KHDRBS2: variants seen among roughly 807,000 people sequenced by gnomAD.
KHDRBS2 encodes KH domain-containing, RNA-binding, signal transduction-associated protein 2.
KHDRBS2 carries 26 observed loss-of-function variants against 44.3 expected under a neutral mutation model. The ratio of observed to expected loss-of-function variants is 0.59; its 90% CI spans 0.43 to 0.81. The LOEUF is 0.81. KHDRBS2 is among the 40% of genes least tolerant of loss of function. The pLI is 0.00. For missense variants in KHDRBS2, 476 were observed against 433.1 expected (o/e 1.10, Z -0.88); for synonymous variants, 194 against 151.1 (o/e 1.28, Z -2.08).
At chr6:61,620,109 T>C in the KHDRBS2 span, among the ~76,000 whole-genome samples, 1 of 152,148 alleles carries the variant, frequency 6.6e-6, no homozygotes, top group Non-Finnish European at 1.5e-5. Context: ...GTGTAGTTTT[T>C]ATTTGCCTAA....
intron 6 of KHDRBS2, among the ~76,000 whole-genome samples, chr6:61,829,553 T>TAA (rs796667949): frequency 6.8e-6 from 1 of 147,752 alleles, no homozygotes; most frequent in Non-Finnish European, 1.5e-5. Context: ...GCTTAGATGG[T>TAA]AAAAAAAAAA....
intron 1 of KHDRBS2, among the ~76,000 whole-genome samples, chr6:62,278,912 G>A (rs1277418022): frequency 6.6e-6 from 1 of 151,870 alleles, no homozygotes; most frequent in East Asian, 1.9e-4. Flanking sequence ...GGTTAACACG[G>A]TGAAACCCCG....
intron 7 of KHDRBS2, among the ~76,000 whole-genome samples, chr6:61,722,009 A>G (rs1206826138): frequency 6.6e-6 from 1 of 150,892 alleles, no homozygotes; most frequent in Non-Finnish European, 1.5e-5. Context: ...ATTTTGTCAA[A>G]GGCCTTTTCT....
At chr6:61,815,512 C>A (rs1418773483) in intron 6 of KHDRBS2, among the ~76,000 whole-genome samples, 1 of 152,072 alleles carries the variant, frequency 6.6e-6, no homozygotes, top group Non-Finnish European at 1.5e-5. Flanking sequence ...TCTTGCCAAA[C>A]TATTCACATA....
intron 1 of KHDRBS2, among the ~76,000 whole-genome samples, chr6:62,203,786 TC>T (rs1213460342): frequency 2.6e-5 from 4 of 152,150 alleles, no homozygotes; most frequent in Admixed American, 6.6e-5. Flanking sequence ...ATTTGGCACT[TC>T]CTACATACCA....
At chr6:62,142,825 T>C (rs1417836298) in intron 2 of KHDRBS2, among the ~76,000 whole-genome samples, 1 of 151,340 alleles carries the variant, frequency 6.6e-6, no homozygotes, top group Non-Finnish European at 1.5e-5. Flanking sequence ...TTATTATATA[T>C]AATATTGAGA....
chr6:61,917,220 A>G (rs1216895972), intron 4 of KHDRBS2, among the ~76,000 whole-genome samples: 1 of 151,876 alleles, frequency 6.6e-6, no homozygotes, highest in East Asian at 1.9e-4. Context: ...GTGAATGGAC[A>G]AGTAAACTGT....
intron 4 of KHDRBS2, among the ~76,000 whole-genome samples, chr6:61,943,201 T>A (rs906000627): frequency 1.3e-5 from 2 of 151,884 alleles, no homozygotes; most frequent in Admixed American, 6.6e-5. Context: ...TAATGAGAAA[T>A]AATCTTTCCC....
At position 61,930,535 on chromosome 6, in the gene KHDRBS2, AAAAAAAAAAAG is replaced by A. The variant is rs745343241; in HGVS notation, c.484-29175_484-29165del. On this transcript the variant is annotated intron_variant, in intron 4 of 8. Transcript: ENST00000281156. The stretch of plus-strand genomic sequence containing the variant: ...CCTATACCGCCCCTAAAAAAAAAAA[AAAAAAAAAAAG>A]AAAAAAAAAAAAAAAAAAAAAGGCT... 5.6e-3 allele frequency among the ~76,000 whole-genome samples: 208 copies of A among 36,938 alleles called. 19 individuals are homozygous for A. Among genetic ancestry groups the A allele is most frequent in the African/African-American group, 0.012 (160 of 13,156 alleles). The allele number at this position is 36,938 out of a possible 152,430, so 24.2% of individuals were successfully genotyped here.
intron 1 of KHDRBS2, among the ~76,000 whole-genome samples, chr6:62,177,850 T>C (rs750764482): frequency 1.3e-5 from 2 of 151,454 alleles, no homozygotes; most frequent in African/African-American, 2.4e-5. Flanking sequence ...ATTAAATCTA[T>C]AAATGCTAAC....
intron 1 of KHDRBS2, among the ~76,000 whole-genome samples, chr6:62,218,804 G>T (rs1236946739): frequency 6.6e-6 from 1 of 151,746 alleles, no homozygotes; most frequent in East Asian, 1.9e-4. Context: ...TAAAGAAAAT[G>T]AAGTATATAT....
chr6:62,092,131 A>C (rs1396816166), intron 2 of KHDRBS2, among the ~76,000 whole-genome samples: 1 of 151,008 alleles, frequency 6.6e-6, no homozygotes, highest in Non-Finnish European at 1.5e-5. Flanking sequence ...TTTTTTTTTA[A>C]TCTTCTGCTC....
At chr6:61,754,977 G>T (rs1196538025) in intron 6 of KHDRBS2, among the ~76,000 whole-genome samples, 10 of 151,946 alleles carry the variant, frequency 6.6e-5, no homozygotes, top group Admixed American at 6.6e-4. Context: ...ATTTATAATA[G>T]AATCTAGTAA....
chr6:62,066,356 C>T (rs1268943758), intron 2 of KHDRBS2, among the ~76,000 whole-genome samples: 1 of 151,556 alleles, frequency 6.6e-6, no homozygotes, highest in African/African-American at 2.4e-5. Flanking sequence ...TAAATCTTTG[C>T]CCTTTTAATA....
chr6:61,809,174 T>C (rs2065063), intron 6 of KHDRBS2, among the ~76,000 whole-genome samples: 4 of 152,136 alleles, frequency 2.6e-5, no homozygotes, highest in Non-Finnish European at 5.9e-5. Context: ...AATTTACTAA[T>C]ACCAGTCTAA....
chr6:62,031,018 G>C (rs1236836416), intron 3 of KHDRBS2, among the ~76,000 whole-genome samples: 1 of 152,062 alleles, frequency 6.6e-6, no homozygotes, highest in Non-Finnish European at 1.5e-5. Flanking sequence ...ATTATGTTAA[G>C]TGAAAAAAGC....
chr6:61,594,389 A>G, the KHDRBS2 span, among the ~76,000 whole-genome samples: 1 of 152,110 alleles, frequency 6.6e-6, no homozygotes, highest in Non-Finnish European at 1.5e-5. Flanking sequence ...GTCCAATTGT[A>G]TGATCTTAAA....
chr6:61,904,557 A>G (rs1284995361), intron 4 of KHDRBS2, among the ~76,000 whole-genome samples: 4 of 152,106 alleles, frequency 2.6e-5, no homozygotes, highest in Non-Finnish European at 5.9e-5. Context: ...CTAAAATCCT[A>G]TTGCTTCCAA....
chr6:62,270,330 C>A (rs886818519), intron 1 of KHDRBS2, among the ~76,000 whole-genome samples: 2 of 125,358 alleles, frequency 1.6e-5, no homozygotes, highest in Non-Finnish European at 3.3e-5. Context: ...CCCCCACCCA[C>A]CCCCCGCCCA....
Sources: gnomAD v4.1 joint callset for allele counts (sites outside exome capture counted in the v4.1 genomes callset) on GRCh38, gnomAD v4.1.1 for gene constraint, MANE v1.5 for transcripts, NCBI Gene and HGNC (gene_info 2026-07-23, HGNC 2026-07-21) for gene names.